Variants in DEAF1 observed in about 807,000 individuals in gnomAD.
DEAF1 encodes deformed epidermal autoregulatory factor 1 homolog.
Under a neutral mutation model 58.9 loss-of-function variants are expected in DEAF1, and 53 were observed. The ratio of observed to expected loss-of-function variants is 0.90; its 90% CI spans 0.72 to 1.13. The LOEUF (loss-of-function observed/expected upper bound fraction) is 1.13. DEAF1 is among the 50% of genes most tolerant of loss of function. DEAF1 has a pLI of 0.00. For synonymous variants in DEAF1, 385 were observed against 340.4 expected, an observed-to-expected ratio of 1.13 and a Z score of -1.44; for missense variants, 685 against 791.4, an observed-to-expected ratio of 0.87 and a Z score of 1.61.
At chr11:657,982 C>T (rs866754910) in intron 10 of DEAF1, among the ~76,000 whole-genome samples, 11 of 152,162 alleles carry the variant, frequency 7.2e-5, no homozygotes, top group African/African-American at 2.4e-5. Flanking sequence ...CACAGGGACA[C>T]CCAGCGACGG....
At chr11:661,624 C>T (rs1222732444) in intron 10 of DEAF1, among the ~76,000 whole-genome samples, 2 of 152,112 alleles carry the variant, frequency 1.3e-5, no homozygotes, top group African/African-American at 2.4e-5. Flanking sequence ...GCAGAAGAAT[C>T]GCTTGAACCT....
At chr11:675,450 G>A (rs1860008803) in intron 9 of DEAF1, among the ~76,000 whole-genome samples, 1 of 152,166 alleles carries the variant, frequency 6.6e-6, no homozygotes, top group African/African-American at 2.4e-5. Context: ...GATGGTTTGA[G>A]CCCAGGTGGT....
intron 2 of DEAF1, among the ~76,000 whole-genome samples, chr11:689,206 T>C (rs972551268): frequency 1.4e-5 from 2 of 138,710 alleles, no homozygotes; most frequent in African/African-American, 5.6e-5. Context: ...CTTTTTCTTT[T>C]TTTTTTTTTT....
rs1374680871 is a variant in DEAF1 at position 684,909 on chromosome 11, C to T, written c.859G>A (p.Asp287Asn). Residue 287 changes from aspartate (D) to asparagine (N), a missense_variant, in exon 6 of 12, where the codon GAC (aspartate) becomes AAC (asparagine). Transcript: ENST00000382409. The part of the protein sequence containing the change: ...ASCTCAACCD[D>N]MTLSGPVRLF... ...CGCTGGCCACTTACTAAGGTCATGTCGTCGCAGCAGGCAGCACAGGTGCAA... is the reference window on the plus strand; with the variant it reads ...CGCTGGCCACTTACTAAGGTCATGTTGTCGCAGCAGGCAGCACAGGTGCAA... The T allele has an allele frequency of 1.3e-6, 2 of 1,551,484 alleles. No homozygotes were observed. Among genetic ancestry groups the T allele is most frequent in the Non-Finnish European group, 8.7e-7 (1 of 1,146,940 alleles).
At chr11:667,704 G>A (rs1859617259) in intron 10 of DEAF1, among the ~76,000 whole-genome samples, 1 of 152,152 alleles carries the variant, frequency 6.6e-6, no homozygotes, top group Non-Finnish European at 1.5e-5. Context: ...AGCTACTCAG[G>A]AGGCTGAGGC....
upstream of DEAF1, chr11:695,640 C>G: frequency 8.8e-6 from 11 of 1,245,146 alleles, no homozygotes; most frequent in Non-Finnish European, 1.1e-5. Context: ...CCACCTCTTC[C>G]CTTCCGAAAG....
chr11:649,289 G>A (rs943768720), intron 11 of DEAF1, among the ~76,000 whole-genome samples: 6 of 152,028 alleles, frequency 3.9e-5, no homozygotes, highest in Admixed American at 3.9e-4. Context: ...GGGCATGGTG[G>A]CGGGTGCCTG....
At chr11:676,321 C>T (rs1860077698) in intron 9 of DEAF1, among the ~76,000 whole-genome samples, 1 of 22,930 alleles carries the variant, frequency 4.4e-5, no homozygotes, top group Non-Finnish European at 7.7e-5. Flanking sequence ...CCGACATCCC[C>T]CCAGCACCCG....
chr11:697,958 A>G (rs1861275145), upstream of DEAF1: 1 of 152,268 alleles, frequency 6.6e-6, no homozygotes, highest in African/African-American at 2.4e-5. Context: ...ATCAGCCACA[A>G]AATCTCACCA....
chr11:666,559 G>C (rs1013128370), intron 10 of DEAF1: 1 of 152,162 alleles, frequency 6.6e-6, no homozygotes, highest in Non-Finnish European at 1.5e-5. Flanking sequence ...CAGAAAATTA[G>C]CCAGGAGTGG....
At chr11:680,865 G>A (rs949603820) in intron 7 of DEAF1, 98 bp downstream of exon 7, 31 of 1,550,612 alleles carry the variant, frequency 2.0e-5, no homozygotes, top group East Asian at 4.5e-5. Flanking sequence ...ATGTGCTTTA[G>A]AAGTGAGAAT....
upstream of DEAF1, chr11:695,597 C>T (rs1013885614): frequency 2.4e-6 from 3 of 1,242,776 alleles, no homozygotes; most frequent in South Asian, 4.0e-5. Flanking sequence ...AGCCGAATGT[C>T]CCCGAGGCCG....
intron 9 of DEAF1, among the ~76,000 whole-genome samples, chr11:675,192 TAAAC>T (rs910280631): frequency 1.3e-5 from 2 of 150,910 alleles, no homozygotes; most frequent in South Asian, 2.1e-4. Context: ...CTCAAAAAAA[TAAAC>T]AAATAAAATT....
chr11:666,093 A>C (rs1487016463), intron 10 of DEAF1: 1 of 152,160 alleles, frequency 6.6e-6, no homozygotes, highest in Non-Finnish European at 1.5e-5. Context: ...AGGCTTAAAA[A>C]CACCACGGAC....
At chr11:683,037 T>G (rs1349193483) in intron 6 of DEAF1, among the ~76,000 whole-genome samples, 1 of 152,148 alleles carries the variant, frequency 6.6e-6, no homozygotes, top group East Asian at 1.9e-4. Context: ...CAATCCTCAC[T>G]GCCCTTTCCA....
chr11:702,021 C>T (rs1861520464), intron 1 of DEAF1, among the ~76,000 whole-genome samples: 1 of 152,194 alleles, frequency 6.6e-6, no homozygotes, highest in Non-Finnish European at 1.5e-5. Flanking sequence ...GCAATGGGCA[C>T]TTCCAGGGCG....
intron 10 of DEAF1, among the ~76,000 whole-genome samples, chr11:660,880 C>T (rs536288637): frequency 6.0e-4 from 84 of 139,280 alleles, no homozygotes; most frequent in African/African-American, 2.4e-3. Context: ...TTGAGGCACC[C>T]GCGGCCTTAC....
At chr11:675,521 C>T (rs1860010875) in intron 9 of DEAF1, among the ~76,000 whole-genome samples, 1 of 151,840 alleles carries the variant, frequency 6.6e-6, no homozygotes, top group Admixed American at 6.6e-5. Context: ...TTAATGAGAC[C>T]CTGTCTCAAA....
intron 1 of DEAF1, among the ~76,000 whole-genome samples, chr11:701,477 C>G (rs1861473852): frequency 7.7e-6 from 1 of 130,234 alleles, no homozygotes; most frequent in African/African-American, 2.9e-5. Context: ...GTGGCGTGAA[C>G]TTGGCTCACT....
Sources: gnomAD v4.1 joint callset for allele counts (sites outside exome capture counted in the v4.1 genomes callset) on GRCh38, gnomAD v4.1.1 for gene constraint, MANE v1.5 for transcripts, NCBI Gene and HGNC (gene_info 2026-07-23, HGNC 2026-07-21) for gene names.